The following NUP93 variants were observed in gnomAD, a reference collection of about 807,000 sequenced individuals.
The protein encoded by NUP93 is nucleoporin 93.
NUP93 carries 55 observed loss-of-function variants against 107.8 expected under a neutral mutation model. The observed-to-expected ratio is 0.51, with a 90% CI of 0.41 to 0.64. NUP93 has a LOEUF of 0.64. Ranked by LOEUF, NUP93 falls within the 30% of genes least tolerant of loss-of-function variation. The pLI is 0.00. For missense variants in NUP93, 937 were observed against 1,044.7 expected (o/e 0.90, Z 1.42); for synonymous variants, 390 against 397.5 (o/e 0.98, Z 0.22).
At chr16:56,817,851 C>T (rs773193467) in intron 5 of NUP93, among the ~76,000 whole-genome samples, 16 of 152,192 alleles carry the variant, frequency 1.1e-4, no homozygotes, top group Non-Finnish European at 2.4e-4. Flanking sequence ...GAGCAATAGG[C>T]TGTGCATACA....
At chr16:56,751,346 A>C (rs1211482125) in intron 2 of NUP93, among the ~76,000 whole-genome samples, 1 of 152,242 alleles carries the variant, frequency 6.6e-6, no homozygotes, top group Non-Finnish European at 1.5e-5. Context: ...CCTTGTGATA[A>C]TACTATAAGC....
In NUP93 at chr16:56,764,377, C is replaced by G. The variant is rs151004959; in HGVS notation, c.297+5722C>G. ...TGTTGGTGCACGCCTGTAATCCCAG[C>G]TACTCAGGAGGTTAAGACAGGAGAA... is the stretch of plus-strand genomic sequence containing the variant. On this transcript the variant is annotated intron_variant, in intron 3 of 21. Transcript: ENST00000308159. Among the ~76,000 whole-genome samples, 721 of 152,214 alleles carry G rather than the reference C, an allele frequency of 4.7e-3. 10 individuals are homozygous for G. Among genetic ancestry groups the G allele is most frequent in the African/African-American group, 0.016 (685 of 41,522 alleles).
chr16:56,828,942 A>G, intron 8 of NUP93, 35 bp from the exon 9 acceptor site: 1 of 1,606,600 alleles, frequency 6.2e-7, no homozygotes, highest in Non-Finnish European at 8.5e-7. Context: ...AAATGTTTTC[A>G]GTCTTCCCTG....
At chr16:56,745,230 G>A (rs753677533) in intron 1 of NUP93, among the ~76,000 whole-genome samples, 2 of 152,132 alleles carry the variant, frequency 1.3e-5, no homozygotes, top group African/African-American at 2.4e-5. Flanking sequence ...GAGGAAACAC[G>A]GAGTGCAAAG....
At chr16:56,792,074 G>A (rs377042878) in intron 3 of NUP93, among the ~76,000 whole-genome samples, 1 of 152,102 alleles carries the variant, frequency 6.6e-6, no homozygotes, top group African/African-American at 2.4e-5. Flanking sequence ...CAGCTACTCC[G>A]GAGACTTAGG....
intron 1 of NUP93, among the ~76,000 whole-genome samples, chr16:56,739,201 A>C: frequency 1.6e-5 from 2 of 126,218 alleles, no homozygotes; most frequent in African/African-American, 6.2e-5. Context: ...CGCCATTGTC[A>C]TCCTGGCCCG....
rs1964140992 is a variant in NUP93 at position 56,848,483 on chromosome 16, T to G, written c.*3874T>G. On this transcript the variant is annotated 3_prime_UTR_variant, in exon 22 of 22. Coordinates refer to ENST00000308159, the MANE Select transcript of NUP93 (RefSeq NM_014669.5). ...GAGTTGTCTAAACTGTGGAAGAAAA[T>G]ATCCCCCATTCTTTATCCTACGCTG... 1 of 152,232 alleles carries G rather than the reference T, an allele frequency of 6.6e-6. No individual in the cohort carries two copies. The highest frequency in any genetic ancestry group is 2.1e-4 in the South Asian group (1 of 4,820). The allele number at this position is 152,232 out of a possible 1,614,324, so 9.4% of individuals were successfully genotyped here. A position where few individuals can be genotyped will look rare whatever the true frequency, so the allele number is the denominator to read the frequency against.
intron 1 of NUP93, among the ~76,000 whole-genome samples, chr16:56,737,522 A>G (rs1366857008): frequency 6.6e-6 from 1 of 150,676 alleles, no homozygotes; most frequent in Non-Finnish European, 1.5e-5. Context: ...CCCAATCAGC[A>G]CTCCCCCTAC....
At chr16:56,742,433 C>T (rs2144445788) in intron 1 of NUP93, among the ~76,000 whole-genome samples, 1 of 152,278 alleles carries the variant, frequency 6.6e-6, no homozygotes, top group East Asian at 1.9e-4. Context: ...ATTTTATAAC[C>T]ATGTGAAAAT....
intron 1 of NUP93, among the ~76,000 whole-genome samples, chr16:56,735,432 T>G (rs1961595819): frequency 6.6e-6 from 1 of 152,148 alleles, no homozygotes; most frequent in Non-Finnish European, 1.5e-5. Context: ...GTAAATCAAG[T>G]GACTGGTACA....
chr16:56,808,648 A>G (rs1470712896), intron 5 of NUP93, among the ~76,000 whole-genome samples: 2 of 126,554 alleles, frequency 1.6e-5, no homozygotes, highest in African/African-American at 6.3e-5. Flanking sequence ...ATATAAATAT[A>G]TAAAAATACA....
chr16:56,802,399 A>G (rs2144565843), intron 4 of NUP93, among the ~76,000 whole-genome samples: 1 of 151,888 alleles, frequency 6.6e-6, no homozygotes, highest in South Asian at 2.1e-4. Flanking sequence ...CAAGAAGCAA[A>G]GGTTTTTCTC....
intron 3 of NUP93, among the ~76,000 whole-genome samples, chr16:56,763,382 A>G (rs562908427): frequency 2.6e-5 from 4 of 152,290 alleles, no homozygotes; most frequent in Admixed American, 2.6e-4. Flanking sequence ...ACATTTTTCA[A>G]CTAGAAACTC....
intron 1 of NUP93, among the ~76,000 whole-genome samples, chr16:56,731,774 A>T (rs11642892): frequency 0.31 from 47,268 of 151,972 alleles, 7,696 homozygotes; most frequent in East Asian, 0.46. Flanking sequence ...TCTGGTTTGG[A>T]TTATTGAAAT....
chr16:56,794,193 A>G (rs957083236), intron 3 of NUP93, among the ~76,000 whole-genome samples: 2 of 152,230 alleles, frequency 1.3e-5, no homozygotes, highest in African/African-American at 2.4e-5. Flanking sequence ...AAAATAAAAT[A>G]TGATGTATAA....
Position 56,841,918 on chromosome 16 carries a change from C to T in NUP93, c.2349+85C>T, listed in dbSNP as rs1403297616. 3 of 1,516,138 alleles carry T rather than the reference C, an allele frequency of 2.0e-6. No homozygotes were observed. The African/African-American group carries it at 4.2e-5, about 21-fold the overall frequency. The allele number at this position is 1,516,138 out of a possible 1,614,324, so 93.9% of individuals were successfully genotyped here. ...GTTGCGCTCTTATGAGACCACATGA[C>T]CCAAAACTGCTCTTTCTCCTCAGTA... On this transcript the variant is annotated intron_variant, in intron 21 of 21. Coordinates refer to ENST00000308159, the MANE Select transcript of NUP93 (RefSeq NM_014669.5).
At position 56,846,489 on chromosome 16, in the gene NUP93, C is replaced by T. The variant is rs1167747560; in HGVS notation, c.*1880C>T. The T allele has an allele frequency of 6.6e-6, 1 of 152,086 alleles. No individual in the cohort carries two copies. Among genetic ancestry groups the T allele is most frequent in the East Asian group, 1.9e-4 (1 of 5,186 alleles). The allele number at this position is 152,086 out of a possible 1,614,324, so 9.4% of individuals were successfully genotyped here. On this transcript the variant is annotated 3_prime_UTR_variant, in exon 22 of 22. Transcript: ENST00000308159. ...CTTTGGGAGGCCAAGGCAGGCAGTT[C>T]GCTTGAGGTAAGGGGTTTGAGACCA...
At chr16:56,774,758 G>A (rs1179119139) in intron 3 of NUP93, among the ~76,000 whole-genome samples, 3 of 152,096 alleles carry the variant, frequency 2.0e-5, no homozygotes, top group Non-Finnish European at 4.4e-5. Context: ...GGCATGAGGT[G>A]GATGATTTGG....
At chr16:56,812,856 G>C (rs1003527965) in intron 5 of NUP93, among the ~76,000 whole-genome samples, 1 of 152,164 alleles carries the variant, frequency 6.6e-6, no homozygotes, top group Non-Finnish European at 1.5e-5. Context: ...TCCTCACGTC[G>C]CAGTTTTTGC....
Sources: gnomAD v4.1 joint callset for allele counts (sites outside exome capture counted in the v4.1 genomes callset) on GRCh38, gnomAD v4.1.1 for gene constraint, MANE v1.5 for transcripts, NCBI Gene and HGNC (gene_info 2026-07-23, HGNC 2026-07-21) for gene names.